The following FAF1 variants were observed in gnomAD, a reference collection of about 807,000 sequenced individuals.
FAF1 encodes the protein Fas associated factor 1.
Under a neutral mutation model 92.5 loss-of-function variants are expected in FAF1, and 25 were observed. The observed-to-expected ratio is 0.27, with a 90% CI of 0.20 to 0.38. The LOEUF (loss-of-function observed/expected upper bound fraction) is 0.38, where lower values mean the gene tolerates loss of function less well. Ranked by LOEUF, FAF1 falls within the 10% of genes least tolerant of loss-of-function variation. The pLI, the probability that FAF1 is intolerant of heterozygous loss-of-function variation, is 1.00. For missense variants in FAF1, 636 were observed against 793.3 expected, an observed-to-expected ratio of 0.80 and a Z score of 2.38; for synonymous variants, 234 against 273.2, an observed-to-expected ratio of 0.86 and a Z score of 1.42.
At chr1:50,641,697 G>A (rs1231584930) in intron 8 of FAF1, among the ~76,000 whole-genome samples, 1 of 152,066 alleles carries the variant, frequency 6.6e-6, no homozygotes, top group Non-Finnish European at 1.5e-5. Context: ...ATTAGGCAAA[G>A]TTGATTAATC....
intron 1 of FAF1, among the ~76,000 whole-genome samples, chr1:50,886,127 A>G (rs1474666596): frequency 1.3e-5 from 2 of 152,118 alleles, no homozygotes; most frequent in Non-Finnish European, 2.9e-5. Context: ...CCAAAGTTAT[A>G]GTATTATATT....
chr1:50,818,809 C>A (rs994558953), intron 2 of FAF1, among the ~76,000 whole-genome samples: 4 of 151,956 alleles, frequency 2.6e-5, no homozygotes, highest in African/African-American at 7.2e-5. Context: ...TGCACTCCAG[C>A]CTGGGCGACA....
intron 17 of FAF1, 93 bp downstream of exon 17, chr1:50,490,495 G>GAAGGA: frequency 8.9e-6 from 1 of 112,486 alleles, no homozygotes. Flanking sequence ...GGAAGGAAAG[G>GAAGGA]AAGGAAGGAA....
intron 2 of FAF1, among the ~76,000 whole-genome samples, chr1:50,828,610 C>A (rs1298854842): frequency 6.6e-6 from 1 of 152,022 alleles, no homozygotes; most frequent in Admixed American, 6.6e-5. Flanking sequence ...ATGGATACCC[C>A]ATGAGAAAAA....
chr1:50,446,051 GAC>G (rs2148975599), intron 18 of FAF1, among the ~76,000 whole-genome samples: 1 of 152,252 alleles, frequency 6.6e-6, no homozygotes, highest in East Asian at 1.9e-4. Flanking sequence ...GAATCCATGG[GAC>G]AGATTCTCAT....
At chr1:50,613,651 G>T (rs925692456) in intron 8 of FAF1, among the ~76,000 whole-genome samples, 5 of 151,896 alleles carry the variant, frequency 3.3e-5, no homozygotes, top group South Asian at 2.1e-4. Context: ...TCTCACATAA[G>T]AATAATACAC....
At chr1:50,711,061 C>T (rs755076219) in intron 6 of FAF1, among the ~76,000 whole-genome samples, 2 of 151,476 alleles carry the variant, frequency 1.3e-5, no homozygotes, top group Admixed American at 6.6e-5. Flanking sequence ...AAACACACAC[C>T]ACCACATCCA....
chr1:50,907,764 C>G (rs1373029417), intron 1 of FAF1, among the ~76,000 whole-genome samples: 1 of 151,722 alleles, frequency 6.6e-6, no homozygotes, highest in African/African-American at 2.4e-5. Context: ...TTTGATTCTT[C>G]TCTCTTTTCT....
chr1:50,572,718 C>G (rs1262197034), intron 12 of FAF1, among the ~76,000 whole-genome samples: 1 of 152,122 alleles, frequency 6.6e-6, no homozygotes, highest in Non-Finnish European at 1.5e-5. Flanking sequence ...TTCTGAAGGT[C>G]AGAAGTCTGT....
chr1:50,746,777 C>T (rs1168214724), intron 4 of FAF1, among the ~76,000 whole-genome samples: 3 of 152,152 alleles, frequency 2.0e-5, no homozygotes. Flanking sequence ...GAAAAGGCCT[C>T]ACAGGCATTT....
intron 15 of FAF1, among the ~76,000 whole-genome samples, chr1:50,501,886 T>A (rs1354693558): frequency 1.3e-5 from 2 of 152,244 alleles, no homozygotes; most frequent in African/African-American, 4.8e-5. Flanking sequence ...TATTACCATA[T>A]GCCTATATAA....
chr1:50,576,529 T>C (rs1490231676), intron 12 of FAF1, among the ~76,000 whole-genome samples: 1 of 152,144 alleles, frequency 6.6e-6, no homozygotes, highest in Non-Finnish European at 1.5e-5. Context: ...AAATGTCTAA[T>C]GATTCTCCAG....
intron 8 of FAF1, among the ~76,000 whole-genome samples, chr1:50,618,000 T>C (rs755070274): frequency 6.6e-6 from 1 of 152,164 alleles, no homozygotes; most frequent in Non-Finnish European, 1.5e-5. Flanking sequence ...TCAGTTGTAA[T>C]GTCATCTTTG....
rs1651067904 is a variant in FAF1, at chr1:50,583,194, A to C, written c.1031+458T>G. 6.6e-6 allele frequency among the ~76,000 whole-genome samples: 1 copy of C among 151,784 alleles called. No homozygotes were observed. Among genetic ancestry groups the C allele is most frequent in the Non-Finnish European group, 1.5e-5 (1 of 67,818 alleles). Reference sequence around the variant, plus strand: ...TTTGAATACCTCAGCAGACTCTCAAATGCATATAAAATATTTTATATTTGA... The same window carrying C: ...TTTGAATACCTCAGCAGACTCTCAACTGCATATAAAATATTTTATATTTGA... On this transcript the variant is annotated intron_variant, in intron 11 of 18. Transcript: ENST00000396153. This position sits in a 1 kb window ranked among gnomAD's most constrained non-coding sequence, Gnocchi z 4.2.
At chr1:50,915,746 T>C (rs1334206512) in intron 1 of FAF1, among the ~76,000 whole-genome samples, 1 of 152,182 alleles carries the variant, frequency 6.6e-6, no homozygotes, top group Non-Finnish European at 1.5e-5. Flanking sequence ...TCTAGAGATG[T>C]TGAAATAAAT....
chr1:50,827,283 A>G (rs1644109479), intron 2 of FAF1, among the ~76,000 whole-genome samples: 1 of 152,232 alleles, frequency 6.6e-6, no homozygotes, highest in Admixed American at 6.5e-5. Flanking sequence ...GTTCTGTACT[A>G]AGAAAAATTC....
Position 50,765,960 on chromosome 1 carries a change from C to A in FAF1, c.368-21185G>T, listed in dbSNP as rs1452305684. Among the ~76,000 whole-genome samples, 3 of 152,018 alleles carry A rather than the reference C, an allele frequency of 2.0e-5. No individual in the cohort carries two copies. The East Asian group carries it at 5.8e-4, about 29-fold the overall frequency. On this transcript the variant is annotated intron_variant, in intron 4 of 18. Coordinates refer to ENST00000396153, the MANE Select transcript of FAF1 (RefSeq NM_007051.3). ...ACAAAAAATTAGCTGGGCGTGGTAG[C>A]GGGTGCCTGTAATCCCAGCTAGTCG...
intron 8 of FAF1, among the ~76,000 whole-genome samples, chr1:50,644,914 C>G (rs1407717055): frequency 5.9e-5 from 9 of 152,188 alleles, no homozygotes; most frequent in Non-Finnish European, 1.0e-4. Flanking sequence ...TCCATGTGTT[C>G]TTCTTCATAT....
chr1:50,481,965 G>A (rs192994046), intron 17 of FAF1, among the ~76,000 whole-genome samples: 9 of 152,162 alleles, frequency 5.9e-5, no homozygotes, highest in Admixed American at 3.9e-4. Flanking sequence ...ATCATATATG[G>A]CTTTGGGAAG....
Sources: gnomAD v4.1 joint callset for allele counts (sites outside exome capture counted in the v4.1 genomes callset) on GRCh38, gnomAD v4.1.1 for gene constraint, Gnocchi (gnomAD v3.1) non-coding constraint, MANE v1.5 for transcripts, NCBI Gene and HGNC (gene_info 2026-07-23, HGNC 2026-07-21) for gene names.